Variants in KIF3B observed in about 807,000 individuals in gnomAD.
The protein encoded by KIF3B is kinesin-like protein KIF3B.
Under a neutral mutation model 74.3 loss-of-function variants are expected in KIF3B, and 38 were observed. The observed-to-expected ratio is 0.51, with a 90% CI of 0.39 to 0.67. The LOEUF (loss-of-function observed/expected upper bound fraction) is 0.67, where lower values mean the gene tolerates loss of function less well. Among genes scored for constraint, KIF3B ranks in the 30% least tolerant of loss-of-function variants. The pLI, the probability that KIF3B is intolerant of heterozygous loss-of-function variation, is 0.00. For synonymous variants in KIF3B, 326 were observed against 342.5 expected, an observed-to-expected ratio of 0.95 and a Z score of 0.53; for missense variants, 649 against 932.0, an observed-to-expected ratio of 0.70 and a Z score of 3.95.
chr20:32,327,441 C>T (rs1011458358), intron 6 of KIF3B, 115 bp from the exon 7 acceptor site: 29 of 735,860 alleles, frequency 3.9e-5, no homozygotes, highest in Non-Finnish European at 4.7e-6. Context: ...TTTCCCGTCC[C>T]ACTTACGTCA....
intron 5 of KIF3B, among the ~76,000 whole-genome samples, chr20:32,319,741 A>G (rs561472887): frequency 1.1e-4 from 16 of 150,510 alleles, no homozygotes; most frequent in Middle Eastern, 3.5e-3. Context: ...ACCCGCCACC[A>G]TGCCCGGCTG....
At chr20:32,280,986 G>C (rs902978883) in intron 1 of KIF3B, among the ~76,000 whole-genome samples, 1 of 152,044 alleles carries the variant, frequency 6.6e-6, no homozygotes, top group Admixed American at 6.6e-5. Flanking sequence ...CTGTTTTGTT[G>C]TGTCCCTAGA....
intron 1 of KIF3B, among the ~76,000 whole-genome samples, chr20:32,291,739 C>A (rs936735275): frequency 2.2e-4 from 33 of 151,832 alleles, no homozygotes; most frequent in African/African-American, 7.3e-4. Flanking sequence ...CCTCAGCCTC[C>A]CAAGTAGCTG....
In KIF3B at chr20:32,332,117, C is replaced by G. The variant is rs1026798268; in HGVS notation, c.*798C>G. On this transcript the variant is annotated 3_prime_UTR_variant, in exon 9 of 9. Transcript: ENST00000375712. Reference sequence around the variant, plus strand: ...TGTCCATACACCATGTCACTTTACTCTTCATTTGTCACCATCTTTTCCCAT... The same window carrying G: ...TGTCCATACACCATGTCACTTTACTGTTCATTTGTCACCATCTTTTCCCAT... 10 of 152,728 alleles carry G rather than the reference C, an allele frequency of 6.5e-5. No individual in the cohort carries two copies. Among genetic ancestry groups the G allele is most frequent in the Admixed American group, 6.5e-4 (10 of 15,280 alleles). The allele number at this position is 152,728 out of a possible 1,614,324, so 9.5% of individuals were successfully genotyped here.
At chr20:32,298,258 A>G (rs932793715) in intron 1 of KIF3B, among the ~76,000 whole-genome samples, 1 of 152,148 alleles carries the variant, frequency 6.6e-6, no homozygotes, top group African/African-American at 2.4e-5. Context: ...CAACATGGCA[A>G]AAACCCAGCC....
chr20:32,286,387 A>G (rs2047667538), intron 1 of KIF3B, among the ~76,000 whole-genome samples: 1 of 152,234 alleles, frequency 6.6e-6, no homozygotes, highest in South Asian at 2.1e-4. Context: ...GGCAAATCAT[A>G]AAAGATTCCA....
At position 32,332,942 on chromosome 20, in the gene KIF3B, G is replaced by A. The variant is rs11555356; in HGVS notation, c.*1623G>A. The A allele has an allele frequency of 6.6e-5, 10 of 152,568 alleles. No homozygotes were observed. Among genetic ancestry groups the A allele is most frequent in the African/African-American group, 2.2e-4 (9 of 41,402 alleles). 9.5% of individuals were successfully genotyped at this position (152,568 alleles called of 1,614,324 possible). A position where few individuals can be genotyped will look rare whatever the true frequency, so the allele number is the denominator to read the frequency against. Reference sequence around the variant, plus strand: ...TGGCACGGTGCCTCAGGAAGGTGGCGACTCAGGTGGGCCTTGAGTTATATT... The same window carrying A: ...TGGCACGGTGCCTCAGGAAGGTGGCAACTCAGGTGGGCCTTGAGTTATATT... On this transcript the variant is annotated 3_prime_UTR_variant, in exon 9 of 9. Coordinates refer to ENST00000375712, the MANE Select transcript of KIF3B (RefSeq NM_004798.4).
rs1279501556 is a variant in KIF3B at position 32,323,332 on chromosome 20, C to T, written c.1749-3439C>T. On this transcript the variant is annotated intron_variant, in intron 5 of 8. Coordinates refer to ENST00000375712, the MANE Select transcript of KIF3B (RefSeq NM_004798.4). ...TTTTAAGATCTACATATTAGGACTACATGTTACATTTGGTTATTAAGTCTC... is the reference window on the plus strand; with the variant it reads ...TTTTAAGATCTACATATTAGGACTATATGTTACATTTGGTTATTAAGTCTC... Among the ~76,000 whole-genome samples the T allele has an allele frequency of 2.0e-5, 3 of 150,776 alleles. No individual in the cohort carries two copies. In the East Asian group the frequency reaches 5.8e-4, roughly 29 times the overall value.
Position 32,327,672 on chromosome 20 carries a change from CCTT to C in KIF3B, c.1968+15_1968+17del. On this transcript the variant is annotated intron_variant, in intron 7 of 8. Coordinates refer to ENST00000375712, the MANE Select transcript of KIF3B (RefSeq NM_004798.4). The stretch of plus-strand genomic sequence containing the variant: ...GAGGCCCGATATAGGGTGAGAAGAT[CCTT>C]CTTGGGTTTTTCTCCTGTCTCTTTT... The C allele has an allele frequency of 6.2e-7, 1 of 1,603,398 alleles. No homozygotes were observed. The highest frequency in any genetic ancestry group is 8.5e-7 in the Non-Finnish European group (1 of 1,171,158).
At chr20:32,299,986 G>A (rs2047735605) in intron 1 of KIF3B, among the ~76,000 whole-genome samples, 1 of 151,796 alleles carries the variant, frequency 6.6e-6, no homozygotes. Context: ...TCTGTTCCCA[G>A]GCTGGTCTCC....
At chr20:32,312,988 G>A (rs972348947) in intron 2 of KIF3B, among the ~76,000 whole-genome samples, 1 of 152,094 alleles carries the variant, frequency 6.6e-6, no homozygotes, top group African/African-American at 2.4e-5. Context: ...TCAGTATGCA[G>A]TACCCTGATT....
intron 5 of KIF3B, among the ~76,000 whole-genome samples, chr20:32,319,319 C>G (rs1050533649): frequency 6.6e-6 from 1 of 151,736 alleles, no homozygotes; most frequent in African/African-American, 2.4e-5. Context: ...GACATCCTAA[C>G]GAGTGTGAAA....
chr20:32,319,582 GTTTTTTTTTTTTT>G (rs34028388), intron 5 of KIF3B, among the ~76,000 whole-genome samples: 2 of 92,020 alleles, frequency 2.2e-5, no homozygotes, highest in African/African-American at 7.7e-5. Flanking sequence ...TTTTGTTTTT[GTTTTTTTTTTTTT>G]TTTTTTTGGA....
chr20:32,297,428 A>G (rs892647582), intron 1 of KIF3B, among the ~76,000 whole-genome samples: 2 of 152,150 alleles, frequency 1.3e-5, no homozygotes, highest in Non-Finnish European at 2.9e-5. Context: ...CACCTATACT[A>G]TTACCCAAGG....
intron 5 of KIF3B, among the ~76,000 whole-genome samples, chr20:32,322,524 C>T (rs1184125884): frequency 6.8e-6 from 1 of 146,188 alleles, no homozygotes; most frequent in Non-Finnish European, 1.5e-5. Context: ...AAGAGAATCG[C>T]TTGAACCCTG....
chr20:32,290,505 C>T (rs2047686218), intron 1 of KIF3B, among the ~76,000 whole-genome samples: 1 of 152,104 alleles, frequency 6.6e-6, no homozygotes, highest in South Asian at 2.1e-4. Context: ...GGCCCTCTGC[C>T]CATAGCATTA....
At chr20:32,282,403 T>G (rs980468672) in intron 1 of KIF3B, among the ~76,000 whole-genome samples, 1 of 152,104 alleles carries the variant, frequency 6.6e-6, no homozygotes, top group African/African-American at 2.4e-5. Context: ...GGAAGAATTA[T>G]TCATAGTTTA....
At chr20:32,309,575 G>A in intron 1 of KIF3B, 138 bp from the exon 2 acceptor site, 1 of 540,802 alleles carries the variant, frequency 1.8e-6, no homozygotes, top group South Asian at 3.5e-5. Flanking sequence ...GATCCTGTGA[G>A]GAAATATACA....
At position 32,316,613 on chromosome 20, in the gene KIF3B, G is replaced by T. The variant is rs757897828; in HGVS notation, c.1593G>T (p.Gln531His). 6.2e-7 allele frequency: 1 copy of T among 1,614,134 alleles called. No individual in the cohort carries two copies. The highest frequency in any genetic ancestry group is 8.5e-7 in the Non-Finnish European group (1 of 1,180,022). The change falls in exon 4 of 9, where the codon CAG (glutamine) becomes CAT (histidine). Residue 531 changes from glutamine (Q) to histidine (H), a missense_variant. Physicochemically the swap from Gln to His is conservative, Grantham distance 24. This residue lies in a region of KIF3B where 363 missense variants were observed against 592.8 expected (regional missense o/e 0.61). Coordinates refer to ENST00000375712, the MANE Select transcript of KIF3B (RefSeq NM_004798.4). Reference sequence around the variant, plus strand: ...TTAAAGAGACATACAGCTCATTGCAGCAAGAGGTGGACATCAAGACCAAAA... The same window carrying T: ...TTAAAGAGACATACAGCTCATTGCATCAAGAGGTGGACATCAAGACCAAAA... ...LELKETYSSLQQEVDIKTKKL... is the reference protein window; with the variant it reads ...LELKETYSSLHQEVDIKTKKL...
Sources: allele counts gnomAD v4.1 joint callset (sites outside exome capture counted in the v4.1 genomes callset), GRCh38; gene constraint gnomAD v4.1.1; regional missense constraint gnomAD v4.1.1; transcripts MANE v1.5; gene names NCBI Gene and HGNC (gene_info 2026-07-23, HGNC 2026-07-21).